The following CSMD3 variants were observed in gnomAD, a reference collection of about 807,000 sequenced individuals.
The protein encoded by CSMD3 is CUB and Sushi multiple domains 3.
CSMD3 carries 177 observed loss-of-function variants against 435.2 expected under a neutral mutation model. That is an observed-to-expected ratio of 0.41 (90% CI 0.36 to 0.46). The LOEUF (loss-of-function observed/expected upper bound fraction) is 0.46. Ranked by LOEUF, CSMD3 falls within the 20% of genes least tolerant of loss-of-function variation. The probability of loss-of-function intolerance (pLI) is 0.34; values close to 1 mark genes in which losing one functional copy is unlikely to be tolerated. For synonymous variants in CSMD3, 1,656 were observed against 1,520.5 expected (o/e 1.09, Z -2.07); for missense variants, 4,265 against 4,504.6 (o/e 0.95, Z 1.52).
At chr8:112,452,803 C>T (rs989107414) in intron 32 of CSMD3, among the ~76,000 whole-genome samples, 2 of 152,134 alleles carry the variant, frequency 1.3e-5, no homozygotes, top group Admixed American at 1.3e-4. Flanking sequence ...TACACTCCAT[C>T]CTTCTCTGCA....
At chr8:112,867,465 A>C (rs1564042780) in intron 10 of CSMD3, among the ~76,000 whole-genome samples, 1 of 152,050 alleles carries the variant, frequency 6.6e-6, no homozygotes, top group Non-Finnish European at 1.5e-5. Context: ...TTGTGAGGCA[A>C]TTTTGTCATT....
At chr8:112,929,278 G>T (rs1262708476) in intron 9 of CSMD3, among the ~76,000 whole-genome samples, 6 of 149,950 alleles carry the variant, frequency 4.0e-5, no homozygotes, top group Non-Finnish European at 8.9e-5. Flanking sequence ...CCTAATGCTA[G>T]ATGACGAGTT....
At chr8:112,890,520 A>G (rs1256303008) in intron 10 of CSMD3, among the ~76,000 whole-genome samples, 2 of 151,694 alleles carry the variant, frequency 1.3e-5, no homozygotes. Context: ...ACTTCAGGAT[A>G]AGCCCATGCT....
chr8:112,426,398 A>AAAAGCTGAAAC lies in CSMD3; in HGVS notation c.5396-17377_5396-17367dup, dbSNP rs576971628. Among the ~76,000 whole-genome samples, 235 of 152,304 alleles carry AAAAGCTGAAAC rather than the reference A, an allele frequency of 1.5e-3. 1 individual carries two copies. Among genetic ancestry groups the AAAAGCTGAAAC allele is most frequent in the Non-Finnish European group, 2.8e-3 (190 of 68,012 alleles). On this transcript the variant is annotated intron_variant, in intron 32 of 70. Transcript: ENST00000297405. The stretch of plus-strand genomic sequence containing the variant: ...TTTAATTATTTTACTGTTAAGTAAG[A>AAAAGCTGAAAC]AAAGCTGAAACAACTGAATTATTCC...
chr8:112,535,445 C>A (rs1163715013), intron 27 of CSMD3, among the ~76,000 whole-genome samples: 6 of 151,000 alleles, frequency 4.0e-5, no homozygotes, highest in Non-Finnish European at 8.9e-5. Flanking sequence ...AATAAAATAC[C>A]TAGGAATCCA....
At chr8:113,403,034 C>G (rs2094516993) in intron 1 of CSMD3, among the ~76,000 whole-genome samples, 1 of 151,136 alleles carries the variant, frequency 6.6e-6, no homozygotes, top group South Asian at 2.1e-4. Context: ...ATGTAAAGAC[C>G]AATTTTTCAG....
intron 49 of CSMD3, 71 bp from the exon 50 acceptor site, chr8:112,311,237 T>A (rs2130816609): frequency 7.9e-7 from 1 of 1,265,052 alleles, no homozygotes; most frequent in Non-Finnish European, 1.1e-6. Context: ...GATAAACACC[T>A]ATACAGCGAC....
chr8:112,501,103 C>CT (rs200444245), intron 30 of CSMD3, among the ~76,000 whole-genome samples: 2,216 of 148,050 alleles, frequency 0.015, 30 homozygotes, highest in African/African-American at 0.035. Flanking sequence ...CCTCCTTTGT[C>CT]TTTTTTTTTT....
chr8:112,402,372 A>G (rs1272725184), intron 35 of CSMD3, among the ~76,000 whole-genome samples: 1 of 152,230 alleles, frequency 6.6e-6, no homozygotes, highest in Non-Finnish European at 1.5e-5. Context: ...TTAACATGAT[A>G]GATATACAAA....
At chr8:112,616,332 T>C (rs1043284304) in intron 22 of CSMD3, among the ~76,000 whole-genome samples, 1 of 152,006 alleles carries the variant, frequency 6.6e-6, no homozygotes, top group African/African-American at 2.4e-5. Context: ...GGTATTTTTA[T>C]TTTAAAGATA....
intron 1 of CSMD3, among the ~76,000 whole-genome samples, chr8:113,418,760 G>A (rs898373573): frequency 2.0e-5 from 3 of 152,162 alleles, no homozygotes; most frequent in African/African-American, 2.4e-5. Flanking sequence ...TCAGCCCCCA[G>A]AAATTATTAG....
chr8:112,608,125 A>G (rs576180412), intron 22 of CSMD3, among the ~76,000 whole-genome samples: 1 of 152,180 alleles, frequency 6.6e-6, no homozygotes, highest in Non-Finnish European at 1.5e-5. Flanking sequence ...TATAACATTA[A>G]CATATAAAAA....
At position 112,224,076 on chromosome 8, in the gene CSMD3, A is replaced by G. The variant is rs1196149056; in HGVS notation, c.*695T>C. ...CACTGAATAATACTGGTTACTCCAT[A>G]ATGGGGGAATTGGGAGGGTAGCACA... On this transcript the variant is annotated 3_prime_UTR_variant, in exon 71 of 71. Transcript: ENST00000297405. 6.5e-6 allele frequency: 1 copy of G among 152,848 alleles called. No individual in the cohort carries two copies. Among genetic ancestry groups the G allele is most frequent in the Non-Finnish European group, 1.5e-5 (1 of 68,514 alleles). The allele number at this position is 152,848 out of a possible 1,614,324, so 9.5% of individuals were successfully genotyped here. A position where few individuals can be genotyped will look rare whatever the true frequency, so the allele number is the denominator to read the frequency against.
intron 1 of CSMD3, among the ~76,000 whole-genome samples, chr8:113,330,973 T>C (rs2094023351): frequency 6.6e-6 from 1 of 151,534 alleles, no homozygotes; most frequent in African/African-American, 2.4e-5. Flanking sequence ...AAAGACCATA[T>C]AAATGAAATA....
chr8:112,950,124 T>G (rs906745566), intron 8 of CSMD3, among the ~76,000 whole-genome samples: 5 of 151,970 alleles, frequency 3.3e-5, no homozygotes, highest in Non-Finnish European at 7.4e-5. Flanking sequence ...TAGAAAAAGA[T>G]TATATACTTG....
chr8:112,567,128 G>A (rs1829122508), intron 24 of CSMD3, among the ~76,000 whole-genome samples: 2 of 152,062 alleles, frequency 1.3e-5, no homozygotes, highest in South Asian at 2.1e-4. Flanking sequence ...CACTCATTTT[G>A]TCTCATTCTC....
intron 27 of CSMD3, among the ~76,000 whole-genome samples, chr8:112,548,996 C>T (rs1044992705): frequency 1.3e-5 from 2 of 151,844 alleles, no homozygotes; most frequent in African/African-American, 4.8e-5. Context: ...ATAAAAATTC[C>T]CAGAAATGCA....
chr8:113,072,118 T>C (rs2089147841), intron 5 of CSMD3, among the ~76,000 whole-genome samples: 1 of 151,824 alleles, frequency 6.6e-6, no homozygotes, highest in Non-Finnish European at 1.5e-5. Flanking sequence ...GTTGTTTCAA[T>C]ATAAAAATGT....
At chr8:112,713,280 C>T (rs376381568) in intron 13 of CSMD3, among the ~76,000 whole-genome samples, 25 of 151,548 alleles carry the variant, frequency 1.6e-4, no homozygotes, top group African/African-American at 3.6e-4. Flanking sequence ...TATCAATAGC[C>T]GAATTGATTA....
Sources: allele counts gnomAD v4.1 joint callset (sites outside exome capture counted in the v4.1 genomes callset), GRCh38; gene constraint gnomAD v4.1.1; transcripts MANE v1.5; gene names NCBI Gene and HGNC (gene_info 2026-07-23, HGNC 2026-07-21).